CCDC73: variants seen among roughly 807,000 people sequenced by gnomAD.
CCDC73 encodes the protein coiled-coil domain-containing protein 73.
A neutral mutation model predicts 116.5 loss-of-function variants in CCDC73; 95 were observed. That is an observed-to-expected ratio of 0.82 (90% confidence interval 0.69 to 0.97). The LOEUF (loss-of-function observed/expected upper bound fraction) is 0.97. CCDC73 is among the 50% of genes least tolerant of loss of function. The pLI, the probability that CCDC73 is intolerant of heterozygous loss-of-function variation, is 0.00. For synonymous variants in CCDC73, 398 were observed against 401.3 expected (o/e 0.99, Z 0.10); for missense variants, 1,066 against 1,206.8 (o/e 0.88, Z 1.73).
At chr11:32,747,359 G>A (rs985829322) in intron 2 of CCDC73, among the ~76,000 whole-genome samples, 1 of 152,136 alleles carries the variant, frequency 6.6e-6, no homozygotes, top group African/African-American at 2.4e-5. Context: ...TCCCTACTGG[G>A]AGATCTCCCA....
At chr11:32,694,164 C>T (rs1856287998) in intron 6 of CCDC73, among the ~76,000 whole-genome samples, 1 of 152,144 alleles carries the variant, frequency 6.6e-6, no homozygotes, top group Admixed American at 6.5e-5. Flanking sequence ...ACTTAGAAAA[C>T]CCCATCGTCT....
intron 2 of CCDC73, among the ~76,000 whole-genome samples, chr11:32,757,968 T>C (rs1287045228): frequency 6.6e-6 from 1 of 152,210 alleles, no homozygotes; most frequent in Non-Finnish European, 1.5e-5. Flanking sequence ...ATATTCTGTC[T>C]ACCACAATGG....
At chr11:32,739,950 T>A (rs1248786031) in intron 2 of CCDC73, among the ~76,000 whole-genome samples, 1 of 152,158 alleles carries the variant, frequency 6.6e-6, no homozygotes, top group Admixed American at 6.6e-5. Context: ...GTTATATGTT[T>A]GTCCTTCATT....
At chr11:32,638,007 T>C (rs1367215550) in intron 13 of CCDC73, among the ~76,000 whole-genome samples, 1 of 152,212 alleles carries the variant, frequency 6.6e-6, no homozygotes, top group Non-Finnish European at 1.5e-5. Context: ...CTTAAGCTAG[T>C]TAATGATATT....
At chr11:32,779,806 G>A (rs1199638562) in intron 1 of CCDC73, among the ~76,000 whole-genome samples, 2 of 152,212 alleles carry the variant, frequency 1.3e-5, no homozygotes, top group African/African-American at 2.4e-5. Context: ...TTAAGGAAAT[G>A]TGAGGTACTG....
At chr11:32,622,568 T>C (rs964819623) in intron 14 of CCDC73, among the ~76,000 whole-genome samples, 1 of 151,686 alleles carries the variant, frequency 6.6e-6, no homozygotes, top group African/African-American at 2.4e-5. Context: ...CATGCGGGGC[T>C]TAAAACCTAG....
At chr11:32,712,890 T>C (rs1433808584) in intron 3 of CCDC73, among the ~76,000 whole-genome samples, 1 of 152,042 alleles carries the variant, frequency 6.6e-6, no homozygotes, top group African/African-American at 2.4e-5. Context: ...GAGATGGGGA[T>C]TGAACAGAGC....
intron 6 of CCDC73, among the ~76,000 whole-genome samples, chr11:32,690,968 A>G (rs774233017): frequency 1.3e-5 from 2 of 151,998 alleles, no homozygotes; most frequent in Non-Finnish European, 2.9e-5. Context: ...TTAGACTATC[A>G]TACAGAGTAT....
intron 3 of CCDC73, among the ~76,000 whole-genome samples, chr11:32,707,885 A>T (rs1341385036): frequency 6.6e-6 from 1 of 152,144 alleles, no homozygotes; most frequent in Non-Finnish European, 1.5e-5. Flanking sequence ...TATATAACTT[A>T]CGTGCTCAAT....
At chr11:32,654,123 T>C in intron 10 of CCDC73, 86 bp from the exon 11 acceptor site, 1 of 1,220,722 alleles carries the variant, frequency 8.2e-7, no homozygotes, top group South Asian at 1.5e-5. Context: ...TTTTGGAGTG[T>C]TATGACCTAT....
At chr11:32,649,709 C>T (rs1299373930) in intron 12 of CCDC73, among the ~76,000 whole-genome samples, 2 of 151,966 alleles carry the variant, frequency 1.3e-5, no homozygotes, top group Non-Finnish European at 2.9e-5. Flanking sequence ...TAGTCCATGG[C>T]AAAAAATGTC....
chr11:32,830,285 T>C, the CCDC73 span: 4 of 896,092 alleles, frequency 4.5e-6, no homozygotes, highest in Middle Eastern at 4.0e-4. Flanking sequence ...CGGCGACAGG[T>C]GCCCGATCAG....
intron 1 of CCDC73, among the ~76,000 whole-genome samples, chr11:32,793,624 T>A (rs938748273): frequency 6.6e-5 from 10 of 151,734 alleles, no homozygotes. Context: ...TTTATTTTAT[T>A]TTTTTAGACA....
chr11:32,766,765 G>A (rs1850446337), intron 1 of CCDC73, among the ~76,000 whole-genome samples: 1 of 152,110 alleles, frequency 6.6e-6, no homozygotes, highest in Non-Finnish European at 1.5e-5. Flanking sequence ...ACTTACAAGG[G>A]ACATGAAGGA....
upstream of CCDC73, among the ~76,000 whole-genome samples, chr11:32,798,955 G>T (rs1459646423): frequency 4.7e-5 from 7 of 150,442 alleles, no homozygotes; most frequent in African/African-American, 9.8e-5. Context: ...TTGTCACCCA[G>T]GCTGGAGTGC....
rs149637799 is a variant in CCDC73 at position 32,753,005 on chromosome 11, A to G, written c.135+7104T>C. On this transcript the variant is annotated intron_variant, in intron 2 of 17. Transcript: ENST00000335185. ...ATTTTTCTTGTAGATAAAGGGTCTC[A>G]TTATATTGCCCAGGCTGGCCTCCAA... Among the ~76,000 whole-genome samples, 1,461 of 152,162 alleles carry G rather than the reference A, an allele frequency of 9.6e-3. 12 individuals carry two copies. Among genetic ancestry groups the G allele is most frequent in the Middle Eastern group, 0.031 (9 of 294 alleles).
chr11:32,808,125 G>A, the CCDC73 span, among the ~76,000 whole-genome samples: 1 of 152,002 alleles, frequency 6.6e-6, no homozygotes, highest in African/African-American at 2.4e-5. Context: ...AGTAGATCAG[G>A]AGGCAAACTC....
At position 32,607,317 on chromosome 11, in the gene CCDC73, C is replaced by T. The variant is rs542230916; in HGVS notation, c.3030+3815G>A. On this transcript the variant is annotated intron_variant, in intron 17 of 17. Coordinates refer to ENST00000335185, the MANE Select transcript of CCDC73 (RefSeq NM_001008391.4). ...CCGTTTTAGCCGGGATGGTCTCGAT[C>T]TCCTGACCTCGTGATCCGCCCGCCT... is the stretch of plus-strand genomic sequence containing the variant. 1.9e-3 allele frequency among the ~76,000 whole-genome samples: 286 copies of T among 151,356 alleles called. 2 individuals are homozygous for T. Among genetic ancestry groups the T allele is most frequent in the Non-Finnish European group, 1.0e-3 (71 of 67,816 alleles).
chr11:32,602,813 A>T lies in CCDC73; in HGVS notation c.3238T>A (p.Ter1080LysextTer3), dbSNP rs2133206635. 1.7e-5 allele frequency: 27 copies of T among 1,578,440 alleles called. No individual in the cohort carries two copies. Among genetic ancestry groups the T allele is most frequent in the East Asian group, 2.3e-5 (1 of 44,218 alleles). ...ETLEKNNRLK* is the reference protein window; with the variant it reads ...ETLEKNNRLKK ...ACTACTGAAAGCACTTATCTACATT[A>T]TTTTAATCTGTTGTTTTTTTCCAAC... Residue 1080 changes from the stop codon to lysine, a stop_lost, in exon 18 of 18, where the codon TAA becomes AAA. Transcript: ENST00000335185.
Sources: allele counts gnomAD v4.1 joint callset (sites outside exome capture counted in the v4.1 genomes callset), GRCh38; gene constraint gnomAD v4.1.1; transcripts MANE v1.5; gene names NCBI Gene and HGNC (gene_info 2026-07-23, HGNC 2026-07-21).